The following OPCML variants were observed in gnomAD, a reference collection of about 807,000 sequenced individuals.
The protein encoded by OPCML is opioid binding protein/cell adhesion molecule like, also known as opioid-binding protein/cell adhesion molecule.
In OPCML, 13 loss-of-function variants were observed where a neutral mutation model predicts 37.8. The ratio of observed to expected loss-of-function variants is 0.34; its 90% CI spans 0.22 to 0.55. The LOEUF is 0.55. Ranked by LOEUF, OPCML falls within the 20% of genes least tolerant of loss-of-function variation. OPCML has a pLI of 0.91. For missense variants in OPCML, 341 were observed against 435.6 expected (o/e 0.78, Z 1.93); for synonymous variants, 176 against 168.8 (o/e 1.04, Z -0.33).
intron 1 of OPCML, among the ~76,000 whole-genome samples, chr11:132,998,885 T>C (rs1046306603): frequency 1.3e-5 from 2 of 152,196 alleles, no homozygotes; most frequent in African/African-American, 2.4e-5. Flanking sequence ...TCCGGAAATA[T>C]GAGAAATAAA....
intron 1 of OPCML, among the ~76,000 whole-genome samples, chr11:133,494,615 G>A (rs1591563596): frequency 6.8e-6 from 1 of 147,890 alleles, no homozygotes; most frequent in East Asian, 2.0e-4. Flanking sequence ...GTAAACTATA[G>A]CAAGAACAAA....
intron 2 of OPCML, among the ~76,000 whole-genome samples, chr11:132,743,459 T>G (rs1216498430): frequency 6.6e-6 from 1 of 152,198 alleles, no homozygotes; most frequent in African/African-American, 2.4e-5. Flanking sequence ...GGACATCTGA[T>G]TAGATCAGAG....
chr11:133,453,243 T>C (rs983739538), intron 1 of OPCML, among the ~76,000 whole-genome samples: 2 of 152,180 alleles, frequency 1.3e-5, no homozygotes, highest in Non-Finnish European at 2.9e-5. Flanking sequence ...AAAAATAAAG[T>C]AGGTGGTAAC....
At chr11:133,024,319 T>C (rs1254294109) in intron 1 of OPCML, 1 of 983,870 alleles carries the variant, frequency 1.0e-6, no homozygotes, top group Non-Finnish European at 1.2e-6. Context: ...GGGAGCATGC[T>C]CTGGGAAGGA....
intron 3 of OPCML, among the ~76,000 whole-genome samples, chr11:132,585,749 A>T (rs990737475): frequency 3.3e-5 from 5 of 152,216 alleles, no homozygotes; most frequent in African/African-American, 9.6e-5. Context: ...GGGACAAATT[A>T]TCAGAAGTCT....
rs146076266 is a variant in OPCML, at chr11:132,696,737, G to GAC, written c.147-39420_147-39419dup. 2.9e-4 allele frequency among the ~76,000 whole-genome samples: 44 copies of GAC among 151,260 alleles called. No homozygotes were observed. The South Asian group carries it at 3.8e-3, about 13-fold the overall frequency. ...TCACATACAACAAAACTTATGCAGA[G>GAC]ACACACACACACACAGACACACATG... On this transcript the variant is annotated intron_variant, in intron 2 of 7. Transcript: ENST00000524381.
intron 2 of OPCML, among the ~76,000 whole-genome samples, chr11:132,837,481 A>T (rs1161761596): frequency 6.6e-6 from 1 of 152,198 alleles, no homozygotes; most frequent in Non-Finnish European, 1.5e-5. Context: ...AAGACTCCAC[A>T]GTCAGCATCT....
chr11:132,952,934 C>T (rs1260594391), intron 1 of OPCML, among the ~76,000 whole-genome samples: 1 of 152,038 alleles, frequency 6.6e-6, no homozygotes, highest in Non-Finnish European at 1.5e-5. Context: ...ACCAAGAAGA[C>T]AAACAAAAGT....
intron 3 of OPCML, among the ~76,000 whole-genome samples, chr11:132,576,307 T>C (rs1259521012): frequency 6.6e-6 from 1 of 152,096 alleles, no homozygotes; most frequent in Non-Finnish European, 1.5e-5. Flanking sequence ...TAAGTTTTTT[T>C]TAAACTTCTT....
At chr11:133,451,103 A>T (rs1358789750) in intron 1 of OPCML, among the ~76,000 whole-genome samples, 1 of 151,790 alleles carries the variant, frequency 6.6e-6, no homozygotes. Flanking sequence ...ACTCAAAAAT[A>T]GTTGTAAAAA....
chr11:132,765,500 T>C (rs1946407856), intron 2 of OPCML, among the ~76,000 whole-genome samples: 1 of 152,182 alleles, frequency 6.6e-6, no homozygotes, highest in African/African-American at 2.4e-5. Flanking sequence ...GTTATTTCCA[T>C]CTCTTAATTC....
At position 132,473,516 on chromosome 11, in the gene OPCML, G is replaced by T. The variant is rs1452194363; in HGVS notation, c.506-36157C>A. On this transcript the variant is annotated intron_variant, in intron 4 of 7. Coordinates refer to ENST00000524381, the MANE Select transcript of OPCML (RefSeq NM_001012393.5). ...GGAGACTGCATTTTTCAGAGTAGGT[G>T]CTTCTCCACTATCACTGGAGCCAAA... 2.6e-5 allele frequency among the ~76,000 whole-genome samples: 4 copies of T among 152,204 alleles called. No individual in the cohort carries two copies. In the East Asian group the frequency reaches 7.7e-4, roughly 29 times the overall value.
At chr11:133,361,868 C>G (rs977184933) in intron 1 of OPCML, 1 of 152,486 alleles carries the variant, frequency 6.6e-6, no homozygotes, top group East Asian at 1.9e-4. Flanking sequence ...AGCGCCGGCC[C>G]TCACTCTCCA....
At chr11:132,568,558 G>C (rs1192943355) in intron 3 of OPCML, among the ~76,000 whole-genome samples, 1 of 152,202 alleles carries the variant, frequency 6.6e-6, no homozygotes. Flanking sequence ...AGAATGCCGA[G>C]TGATGACAGA....
chr11:133,224,722 C>G (rs1939970714), intron 1 of OPCML, among the ~76,000 whole-genome samples: 1 of 152,192 alleles, frequency 6.6e-6, no homozygotes, highest in African/African-American at 2.4e-5. Flanking sequence ...TGACTTTGAA[C>G]ATATTAATGA....
chr11:132,496,348 A>T (rs1003541357), intron 4 of OPCML, among the ~76,000 whole-genome samples: 1 of 152,186 alleles, frequency 6.6e-6, no homozygotes, highest in Non-Finnish European at 1.5e-5. Context: ...CCCTTTGTAA[A>T]ATGTGTTTTA....
chr11:133,289,460 T>A lies in OPCML; in HGVS notation c.61+242804A>T, dbSNP rs549864188. On this transcript the variant is annotated intron_variant, in intron 1 of 7. Coordinates refer to ENST00000524381, the MANE Select transcript of OPCML (RefSeq NM_001012393.5). Reference sequence around the variant, plus strand: ...AATACAAAAAATTAGCCGGGCGTAGTGGCGGGCGCCTGTAGTCCCAGCTAC... The same window carrying A: ...AATACAAAAAATTAGCCGGGCGTAGAGGCGGGCGCCTGTAGTCCCAGCTAC... 4.7e-3 allele frequency among the ~76,000 whole-genome samples: 713 copies of A among 150,866 alleles called. 7 individuals are homozygous for A. Among genetic ancestry groups the A allele is most frequent in the African/African-American group, 0.017 (682 of 41,164 alleles).
intron 1 of OPCML, among the ~76,000 whole-genome samples, chr11:133,517,623 C>T (rs1307734733): frequency 1.3e-5 from 2 of 152,214 alleles, no homozygotes; most frequent in Non-Finnish European, 2.9e-5. Flanking sequence ...TGAGAGGCAT[C>T]ATCTCAGGGG....
At chr11:132,576,555 G>T (rs2096451362) in intron 3 of OPCML, among the ~76,000 whole-genome samples, 1 of 152,032 alleles carries the variant, frequency 6.6e-6, no homozygotes, top group Non-Finnish European at 1.5e-5. Flanking sequence ...ACCTTGGTAA[G>T]CCTCTATGAC....
Sources: gnomAD v4.1 joint callset for allele counts (sites outside exome capture counted in the v4.1 genomes callset) on GRCh38, gnomAD v4.1.1 for gene constraint, MANE v1.5 for transcripts, NCBI Gene and HGNC (gene_info 2026-07-23, HGNC 2026-07-21) for gene names.